The following NEBL variants were observed in gnomAD, a reference collection of about 807,000 sequenced individuals.
The protein encoded by NEBL is nebulette.
A neutral mutation model predicts 140.2 loss-of-function variants in NEBL; 122 were observed. The observed-to-expected ratio is 0.87, with a 90% CI of 0.75 to 1.01. NEBL has a LOEUF of 1.01. Ranked by LOEUF, NEBL falls within the 50% of genes least tolerant of loss-of-function variation. NEBL has a pLI of 0.00. For missense variants in NEBL, 1,365 were observed against 1,231.3 expected (o/e 1.11, Z -1.62); for synonymous variants, 436 against 398.9 (o/e 1.09, Z -1.11).
chr10:21,221,441 A>G (rs1263167475), intron 3 of NEBL, among the ~76,000 whole-genome samples: 1 of 152,162 alleles, frequency 6.6e-6, no homozygotes, highest in Non-Finnish European at 1.5e-5. Context: ...GTCAGCCTTC[A>G]TCTTCTCAGT....
Position 20,814,028 on chromosome 10 carries a change from C to T in NEBL, c.2257G>A (p.Asp753Asn), listed in dbSNP as rs758645917. The stretch of plus-strand genomic sequence containing the variant: ...GGTCTACCTTTCATCTGTTTATGGT[C>T]CTGGGTATATTTTACCTGCAAAGTA... ...ENISSVKYTQ[D>N]HKQMKGRPSL... The change falls in exon 23 of 28, where the codon GAC becomes AAC. Residue 753 changes from aspartate (D) to asparagine (N), a missense_variant. Physicochemically the swap from Asp to Asn is conservative, Grantham distance 23. This residue lies in a region of NEBL where 1,323 missense variants were observed against 1,154.8 expected (regional missense o/e 1.15). Coordinates refer to ENST00000377122, the MANE Select transcript of NEBL (RefSeq NM_006393.3). The T allele has an allele frequency of 6.2e-7, 1 of 1,602,176 alleles. No individual in the cohort carries two copies. Among genetic ancestry groups the T allele is most frequent in the Admixed American group, 1.7e-5 (1 of 59,990 alleles).
At chr10:21,145,477 G>C (rs775451918) in intron 2 of NEBL, among the ~76,000 whole-genome samples, 3 of 152,180 alleles carry the variant, frequency 2.0e-5, no homozygotes, top group Admixed American at 2.0e-4. Context: ...CTATATTATG[G>C]AACTAGAATA....
chr10:21,018,513 C>T (rs1838650001), intron 3 of NEBL, among the ~76,000 whole-genome samples: 1 of 152,168 alleles, frequency 6.6e-6, no homozygotes, highest in African/African-American at 2.4e-5. Context: ...CAAACACCAG[C>T]ATTTTACACA....
chr10:20,951,674 C>G (rs1334909779), intron 4 of NEBL, among the ~76,000 whole-genome samples: 2 of 152,088 alleles, frequency 1.3e-5, no homozygotes, highest in African/African-American at 4.8e-5. Flanking sequence ...TTTAAACCTG[C>G]CTCTAAAACT....
At chr10:21,030,096 G>T in intron 2 of NEBL, 1 of 471,436 alleles carries the variant, frequency 2.1e-6, no homozygotes, top group South Asian at 2.0e-5. Flanking sequence ...GTCTTTGGAG[G>T]GGCAAAGCCC....
At chr10:20,924,413 TAAAAAAA>T (rs71390800) in intron 4 of NEBL, among the ~76,000 whole-genome samples, 12 of 59,060 alleles carry the variant, frequency 2.0e-4, no homozygotes, top group African/African-American at 7.3e-4. Flanking sequence ...AGGCATGAAG[TAAAAAAA>T]AAAAAAAAAA....
chr10:21,196,458 C>T (rs546157906), intron 3 of NEBL, among the ~76,000 whole-genome samples: 10 of 151,838 alleles, frequency 6.6e-5, no homozygotes, highest in South Asian at 2.1e-4. Context: ...GATTCTCCTG[C>T]CTCAGCCTCC....
chr10:20,954,049 A>G (rs896905452), intron 4 of NEBL, among the ~76,000 whole-genome samples: 2 of 151,668 alleles, frequency 1.3e-5, no homozygotes, highest in Non-Finnish European at 2.9e-5. Flanking sequence ...AAAAAGAAAG[A>G]AAAAACACCC....
At position 21,027,331 on chromosome 10, in the gene NEBL, T is replaced by TG. The variant is rs1037366327; in HGVS notation, c.165-7131_165-7130insC. 1.4e-4 allele frequency among the ~76,000 whole-genome samples: 21 copies of TG among 151,286 alleles called. 1 individual carries two copies. In the East Asian group the frequency reaches 1.5e-3, roughly 11 times the overall value. On this transcript the variant is annotated intron_variant, in intron 2 of 6. Coordinates refer to the NEBL transcript ENST00000417816. The stretch of plus-strand genomic sequence containing the variant: ...AAAAAACAACAACTTTTTTTGTTTT[T>TG]TTTTTTTTAATTTTCAGATAGAGTC...
chr10:21,180,186 G>C (rs538203060), intron 3 of NEBL, among the ~76,000 whole-genome samples: 23 of 151,758 alleles, frequency 1.5e-4, no homozygotes, highest in Non-Finnish European at 3.2e-4. Context: ...TTATCTCCCC[G>C]AGCCTCCTGA....
intron 3 of NEBL, among the ~76,000 whole-genome samples, chr10:21,236,345 ATT>A (rs147170707): frequency 0.2 from 24,439 of 124,670 alleles, 1,935 homozygotes; most frequent in South Asian, 0.24. Context: ...CCTTTTTTTA[ATT>A]TTTTTTTTTT....
chr10:21,132,448 T>C (rs1367354107), intron 2 of NEBL, among the ~76,000 whole-genome samples: 1 of 124,856 alleles, frequency 8.0e-6, no homozygotes, highest in African/African-American at 2.9e-5. Context: ...CTGTGAACAT[T>C]CATGTACAAG....
intron 10 of NEBL, among the ~76,000 whole-genome samples, chr10:20,851,803 AT>A (rs1564383731): frequency 1.3e-5 from 2 of 152,144 alleles, no homozygotes; most frequent in African/African-American, 4.8e-5. Flanking sequence ...ATTTTGTGAA[AT>A]AAATGAAATG....
At chr10:21,189,380 C>T (rs1489275405) in intron 3 of NEBL, among the ~76,000 whole-genome samples, 1 of 152,180 alleles carries the variant, frequency 6.6e-6, no homozygotes, top group African/African-American at 2.4e-5. Flanking sequence ...GGTTCTCCCC[C>T]AGAGTATCCA....
rs376512621 is a variant in NEBL at position 20,845,226 on chromosome 10, A to G, written c.1227+32T>C. On this transcript the variant is annotated intron_variant, in intron 12 of 27. Transcript: ENST00000377122. Reference sequence around the variant, plus strand: ...CTGGGTTTTTTCTTTACTTTTCTTCATAATATTTAATAATAAACACCAAGA... The same window carrying G: ...CTGGGTTTTTTCTTTACTTTTCTTCGTAATATTTAATAATAAACACCAAGA... 26 of 1,337,884 alleles carry G rather than the reference A, an allele frequency of 1.9e-5. No homozygotes were observed. The African/African-American group carries it at 3.5e-4, about 18-fold the overall frequency. 82.9% of individuals were successfully genotyped at this position (1,337,884 alleles called of 1,614,324 possible).
In NEBL at chr10:20,859,704, A is replaced by G. The variant is rs747528162; in HGVS notation, c.798+9T>C. On this transcript the variant is annotated intron_variant, in intron 8 of 27. Transcript: ENST00000377122. ...TTTTGAAAATAATTTTCTATGAATT[A>G]CAACTTACATTGCTCGCCAGTGTAG... is the stretch of plus-strand genomic sequence containing the variant. The G allele has an allele frequency of 5.2e-6, 8 of 1,527,380 alleles. No individual in the cohort carries two copies. The South Asian group carries it at 9.1e-5, about 17-fold the overall frequency. 94.6% of individuals were successfully genotyped at this position (1,527,380 alleles called of 1,614,324 possible).
intron 2 of NEBL, among the ~76,000 whole-genome samples, chr10:21,055,589 T>C (rs1177712764): frequency 6.6e-6 from 1 of 152,182 alleles, no homozygotes; most frequent in East Asian, 1.9e-4. Flanking sequence ...CTTGGGGATG[T>C]TATTTAACCT....
At chr10:21,005,427 G>A (rs1838097589) in intron 3 of NEBL, among the ~76,000 whole-genome samples, 1 of 152,168 alleles carries the variant, frequency 6.6e-6, no homozygotes, top group African/African-American at 2.4e-5. Flanking sequence ...ATGTACATAA[G>A]CAAATCTGTT....
chr10:20,806,459 G>A (rs2130746584), intron 26 of NEBL, among the ~76,000 whole-genome samples: 1 of 152,176 alleles, frequency 6.6e-6, no homozygotes, highest in South Asian at 2.1e-4. Flanking sequence ...TTCTCCCAAA[G>A]CCCCACAGCC....
Sources: allele counts gnomAD v4.1 joint callset (sites outside exome capture counted in the v4.1 genomes callset), GRCh38; gene constraint gnomAD v4.1.1; regional missense constraint gnomAD v4.1.1; transcripts MANE v1.5; gene names NCBI Gene and HGNC (gene_info 2026-07-23, HGNC 2026-07-21).